PDE10A: variants seen among roughly 807,000 people sequenced by gnomAD.
PDE10A encodes phosphodiesterase 10A, also known as cAMP and cAMP-inhibited cGMP 3',5'-cyclic phosphodiesterase 10A.
In PDE10A, 39 loss-of-function variants were observed where a neutral mutation model predicts 97.7. The ratio of observed to expected loss-of-function variants is 0.40; its 90% CI spans 0.31 to 0.52. PDE10A has a LOEUF of 0.52. Among genes scored for constraint, PDE10A ranks in the 20% least tolerant of loss-of-function variants. PDE10A has a pLI of 0.56. For missense variants in PDE10A, 731 were observed against 1,047.8 expected (o/e 0.70, Z 4.17); for synonymous variants, 371 against 376.8 (o/e 0.98, Z 0.18).
At chr6:165,499,701 T>C (rs1469931859) in intron 2 of PDE10A, among the ~76,000 whole-genome samples, 2 of 152,282 alleles carry the variant, frequency 1.3e-5, no homozygotes, top group East Asian at 1.9e-4. Context: ...AAGAAAACTA[T>C]ATATAGTATT....
At chr6:165,350,628 GGTTTGGCT>G (rs1482018682) in intron 18 of PDE10A, among the ~76,000 whole-genome samples, 1 of 152,132 alleles carries the variant, frequency 6.6e-6, no homozygotes, top group Non-Finnish European at 1.5e-5. Context: ...AGAATGATAT[GGTTTGGCT>G]GTGTCCCCAC....
chr6:165,587,548 G>C (rs1365761003), intron 1 of PDE10A, among the ~76,000 whole-genome samples: 2 of 152,148 alleles, frequency 1.3e-5, no homozygotes, highest in East Asian at 1.9e-4. Flanking sequence ...TAGAAGTACT[G>C]ATAGAAAATT....
rs1057279842 is a variant in PDE10A, at chr6:165,819,705, C to A, written c.-615+167824G>T. Among the ~76,000 whole-genome samples the A allele has an allele frequency of 6.6e-6, 1 of 152,332 alleles. No homozygotes were observed. Among genetic ancestry groups the A allele is most frequent in the South Asian group, 2.1e-4 (1 of 4,816 alleles). On this transcript the variant is annotated intron_variant, in intron 1 of 19. Transcript: ENST00000366882. The surrounding 1 kb of genome is among the most constrained non-coding windows in gnomAD (Gnocchi z 4.2). ...GCTGGATTTCACTGACTGTGCACCA[C>A]GTACTCCTCACCCGCCCTCCCGCTG...
rs572401871 is a variant in PDE10A at position 165,739,718 on chromosome 6, A to G, written c.-614-196150T>C. ...GAATGGGTGAAAATAATTGCAAACC[A>G]TACATCCTATAAGGGGTTAATATCC... On this transcript the variant is annotated intron_variant, in intron 1 of 19. Transcript: ENST00000366882. 2.6e-5 allele frequency among the ~76,000 whole-genome samples: 4 copies of G among 152,360 alleles called. No individual in the cohort carries two copies. In the South Asian group the frequency reaches 6.2e-4, roughly 24 times the overall value.
At chr6:165,917,239 C>T (rs80190543) in intron 1 of PDE10A, among the ~76,000 whole-genome samples, 3,428 of 152,268 alleles carry the variant, frequency 0.023, 116 homozygotes, top group African/African-American at 0.079. Flanking sequence ...TCCCTAGGTG[C>T]CCGCAGCGGA....
chr6:165,606,950 T>G (rs1481581981), intron 1 of PDE10A, among the ~76,000 whole-genome samples: 2 of 152,176 alleles, frequency 1.3e-5, no homozygotes, highest in Non-Finnish European at 2.9e-5. Context: ...TGGCAACAAC[T>G]TAGGGCTCTT....
intron 2 of PDE10A, among the ~76,000 whole-genome samples, chr6:165,530,465 T>G (rs142602097): frequency 2.6e-5 from 4 of 151,814 alleles, no homozygotes; most frequent in South Asian, 2.1e-4. Flanking sequence ...ACATTAAAAG[T>G]GGGCAAATGA....
chr6:165,741,553 G>C (rs1583022661), intron 1 of PDE10A, among the ~76,000 whole-genome samples: 1 of 152,060 alleles, frequency 6.6e-6, no homozygotes, highest in Non-Finnish European at 1.5e-5. Flanking sequence ...TAGTAAAGTT[G>C]AATATGAGCA....
At chr6:165,882,483 C>T (rs1049412986) in intron 1 of PDE10A, among the ~76,000 whole-genome samples, 1 of 152,114 alleles carries the variant, frequency 6.6e-6, no homozygotes, top group Non-Finnish European at 1.5e-5. Context: ...AGGTGTATAT[C>T]AAGTATTCCT....
At chr6:165,670,734 C>G (rs1790624774) in intron 1 of PDE10A, among the ~76,000 whole-genome samples, 1 of 152,104 alleles carries the variant, frequency 6.6e-6, no homozygotes, top group Admixed American at 6.5e-5. Flanking sequence ...GGAAACTGGT[C>G]TAGTTAGAAG....
chr6:165,814,608 A>G (rs1204995790), intron 1 of PDE10A, among the ~76,000 whole-genome samples: 2 of 152,158 alleles, frequency 1.3e-5, no homozygotes, highest in East Asian at 1.9e-4. Flanking sequence ...TTGACATACA[A>G]GTAAAGTAAA....
chr6:165,658,816 G>A (rs1790092415), intron 1 of PDE10A, among the ~76,000 whole-genome samples: 1 of 152,210 alleles, frequency 6.6e-6, no homozygotes, highest in African/African-American at 2.4e-5. Flanking sequence ...AGCAACTAGA[G>A]GCAGATGGCA....
chr6:165,384,358 C>G (rs558334953), intron 17 of PDE10A, among the ~76,000 whole-genome samples: 2 of 152,052 alleles, frequency 1.3e-5, no homozygotes, highest in Non-Finnish European at 2.9e-5. Context: ...CTCTACACAG[C>G]GACGGGCCCC....
intron 1 of PDE10A, among the ~76,000 whole-genome samples, chr6:165,826,061 C>G (rs1201141769): frequency 3.9e-5 from 6 of 152,248 alleles, no homozygotes; most frequent in Non-Finnish European, 7.3e-5. Context: ...TTTATCACGC[C>G]AGGATGGCAG....
At chr6:165,871,172 C>T (rs538280912) in intron 1 of PDE10A, among the ~76,000 whole-genome samples, 22 of 152,180 alleles carry the variant, frequency 1.4e-4, no homozygotes, top group African/African-American at 3.6e-4. Flanking sequence ...CATTACACAG[C>T]GTACGCATGT....
chr6:165,809,286 C>T (rs938070271), intron 1 of PDE10A, among the ~76,000 whole-genome samples: 1 of 152,186 alleles, frequency 6.6e-6, no homozygotes, highest in Non-Finnish European at 1.5e-5. Context: ...TCTGGTAGTT[C>T]CCTGTCCCTG....
chr6:165,662,045 G>A lies in PDE10A; in HGVS notation c.767C>T (p.Ala256Val), dbSNP rs999233073. Residue 256 changes from alanine to valine, a missense_variant, in exon 1 of 22, where the codon GCC becomes GTC. Ala to Val is a moderately conservative substitution (Grantham distance 64). Transcript: ENST00000539869. ...GCCGAAGAGCAGCGCGGCCGCGGCGGCGAGGGCGAAGCTGGCGCCCTGGGG... is the reference window on the plus strand; with the variant it reads ...GCCGAAGAGCAGCGCGGCCGCGGCGACGAGGGCGAAGCTGGCGCCCTGGGG... ...RRPQGASFAL[A>V]AAAALLFGSD... The A allele has an allele frequency of 2.4e-5, 36 of 1,474,910 alleles. No homozygotes were observed. The African/African-American group carries it at 4.7e-4, about 19-fold the overall frequency. The allele number at this position is 1,474,910 out of a possible 1,614,324, so 91.4% of individuals were successfully genotyped here.
In PDE10A at chr6:165,619,124, A is replaced by AGTGTAGTGTAGTCTAGTGTAGTGTAGTG. The variant is rs1562633861; in HGVS notation, c.865+42822_865+42823insCACTACACTACACTAGACTACACTACAC. On this transcript the variant is annotated intron_variant, in intron 1 of 21. Coordinates refer to ENST00000539869, the MANE Select transcript of PDE10A (RefSeq NM_001385079.1). ...GTAGTCTAGTGTAGTGTAGTCTAGC[A>AGTGTAGTGTAGTCTAGTGTAGTGTAGTG]TAGTCTAGTGTAGTGTAGTCTAGTG... 7.2e-4 allele frequency among the ~76,000 whole-genome samples: 23 copies of AGTGTAGTGTAGTCTAGTGTAGTGTAGTG among 31,974 alleles called. 4 individuals carry two copies. The highest frequency in any genetic ancestry group is 7.2e-4 in the African/African-American group (4 of 5,522). 21.0% of individuals were successfully genotyped at this position (31,974 alleles called of 152,430 possible). A position where few individuals can be genotyped will look rare whatever the true frequency, so the allele number is the denominator to read the frequency against.
intron 18 of PDE10A, among the ~76,000 whole-genome samples, chr6:165,349,407 A>AG (rs36040068): frequency 0.56 from 85,737 of 151,942 alleles, 25,509 homozygotes; most frequent in African/African-American, 0.76. Flanking sequence ...CCCCTGCCCT[A>AG]GGAACTGTGG....
Sources: gnomAD v4.1 joint callset for allele counts (sites outside exome capture counted in the v4.1 genomes callset) on GRCh38, gnomAD v4.1.1 for gene constraint, Gnocchi (gnomAD v3.1) non-coding constraint, MANE v1.5 for transcripts, NCBI Gene and HGNC (gene_info 2026-07-23, HGNC 2026-07-21) for gene names.